The following GCN1 variants were observed in gnomAD, a reference collection of about 807,000 sequenced individuals.
GCN1 encodes GCN1 activator of EIF2AK4, also known as stalled ribosome sensor GCN1.
In GCN1, 90 loss-of-function variants were observed where a neutral mutation model predicts 288.4. The observed-to-expected ratio is 0.31, with a 90% CI of 0.26 to 0.37. The LOEUF (loss-of-function observed/expected upper bound fraction) is 0.37, where lower values mean the gene tolerates loss of function less well. Ranked by LOEUF, GCN1 falls within the 10% of genes least tolerant of loss-of-function variation. The pLI, the probability that GCN1 is intolerant of heterozygous loss-of-function variation, is 1.00. For missense variants in GCN1, 2,586 were observed against 3,419.9 expected, an observed-to-expected ratio of 0.76 and a Z score of 6.08; for synonymous variants, 1,386 against 1,420.2, an observed-to-expected ratio of 0.98 and a Z score of 0.54.
intron 15 of GCN1, 148 bp downstream of exon 15, chr12:120,170,021 A>G: frequency 1.4e-6 from 1 of 696,402 alleles, no homozygotes; most frequent in Non-Finnish European, 2.5e-6. Context: ...CCATGCAACC[A>G]TGAGGTTCAT....
chr12:120,173,895 C>CA (rs1198293794), intron 13 of GCN1, 69 bp from the exon 14 acceptor site: 59 of 1,382,508 alleles, frequency 4.3e-5, no homozygotes, highest in Non-Finnish European at 5.7e-5. Flanking sequence ...GCAAGCAGTG[C>CA]AAAAAACAAG....
At chr12:120,174,043 G>T (rs370402688) in intron 13 of GCN1, 28 bp downstream of exon 13, 1 of 1,325,618 alleles carries the variant, frequency 7.5e-7, no homozygotes, top group South Asian at 1.2e-5. Context: ...AGTACAGAAC[G>T]CATGCTCACC....
chr12:120,160,067 T>C, intron 23 of GCN1, 44 bp from the exon 24 acceptor site: 1 of 1,598,412 alleles, frequency 6.3e-7, no homozygotes, highest in Admixed American at 1.7e-5. Flanking sequence ...AGGGCCCTGC[T>C]TGTGACAGCA....
chr12:120,160,266 T>G lies in GCN1; in HGVS notation c.2437-11A>C. 1 of 1,579,820 alleles carries G rather than the reference T, an allele frequency of 6.3e-7. No homozygotes were observed. The highest frequency in any genetic ancestry group is 8.7e-7 in the Non-Finnish European group (1 of 1,151,108). ...CTTCTTCTTTATCTCCTAAAGAGGA[T>G]GGGCAAACCAACCAATCCCATCTCC... On this transcript the variant is annotated splice_polypyrimidine_tract_variant and intron_variant, in intron 22 of 57. Transcript: ENST00000300648.
chr12:120,170,067 T>C, intron 15 of GCN1, 102 bp downstream of exon 15: 3 of 988,910 alleles, frequency 3.0e-6, no homozygotes, highest in South Asian at 1.5e-5. Context: ...GCTGATCCAG[T>C]GTGGTCAGGA....
intron 5 of GCN1, among the ~76,000 whole-genome samples, chr12:120,179,869 A>C (rs1345382022): frequency 6.6e-6 from 1 of 152,236 alleles, no homozygotes; most frequent in Non-Finnish European, 1.5e-5. Flanking sequence ...CATTAATTCC[A>C]CAAATACTTA....
At chr12:120,179,254 C>T (rs1306639025) in intron 5 of GCN1, among the ~76,000 whole-genome samples, 6 of 151,346 alleles carry the variant, frequency 4.0e-5, no homozygotes, top group Non-Finnish European at 7.4e-5. Context: ...TTTTTTAAGA[C>T]GGAGTCTCGC....
At position 120,178,740 on chromosome 12, in the gene GCN1, T is replaced by C; in HGVS notation, c.545A>G (p.Gln182Arg). ...LWKENPGLVE[Q>R]YLSAILSLEP... Reference sequence around the variant, plus strand: ...TAGGCTGAGAATGGCTGACAAGTACTGTTCCACCAGCCCGGGGTTCTGAAG... The same window carrying C: ...TAGGCTGAGAATGGCTGACAAGTACCGTTCCACCAGCCCGGGGTTCTGAAG... Residue 182 changes from glutamine (Q) to arginine (R), a missense_variant, in exon 7 of 58, where the codon CAG becomes CGG. Gln to Arg is a conservative substitution (Grantham distance 43). Coordinates refer to ENST00000300648, the MANE Select transcript of GCN1 (RefSeq NM_006836.2). The C allele has an allele frequency of 1.9e-6, 3 of 1,614,232 alleles. No homozygotes were observed. The highest frequency in any genetic ancestry group is 2.5e-6 in the Non-Finnish European group (3 of 1,180,020).
chr12:120,148,690 TG>T (rs1877438205), intron 36 of GCN1, among the ~76,000 whole-genome samples: 1 of 152,252 alleles, frequency 6.6e-6, no homozygotes, highest in East Asian at 1.9e-4. Context: ...TTTAGATTTG[TG>T]TTGTTTCAAA....
At chr12:120,159,028 AT>A (rs1030755794) in intron 24 of GCN1, among the ~76,000 whole-genome samples, 1 of 151,760 alleles carries the variant, frequency 6.6e-6, no homozygotes, top group African/African-American at 2.4e-5. Flanking sequence ...AAAAAAAAAA[AT>A]CTTTCTGCTT....
In GCN1 at chr12:120,158,469, C is replaced by T. The variant is rs1356931799; in HGVS notation, c.2896G>A (p.Gly966Arg). 3 of 1,551,844 alleles carry T rather than the reference C, an allele frequency of 1.9e-6. No individual in the cohort carries two copies. The Admixed American group carries it at 5.9e-5, about 30-fold the overall frequency. The change falls in exon 25 of 58, where the codon GGG (glycine) becomes AGG (arginine). Residue 966 changes from glycine to arginine, a missense_variant. Physicochemically the swap from Gly to Arg is moderately radical, Grantham distance 125 (BLOSUM62 -2). Transcript: ENST00000300648. This position sits in a 1 kb window ranked among gnomAD's most constrained non-coding sequence, Gnocchi z 4.3. ...THTITSRVGK[G>R]EPGAAPLSAP... ...CCGTCCCAGCCCTTACCTGGCTCCC[C>T]CTTGCCCACCCTGCTGGTGATGGTG... is the stretch of plus-strand genomic sequence containing the variant.
In GCN1 at chr12:120,127,846, C is replaced by A. The variant is rs764382334; in HGVS notation, c.*3G>T. ...CGGCAATGCTGCTGCTGGCCCAGGC[C>A]TCTCATGTCAGGATGGTGTCGTCCA... On this transcript the variant is annotated 3_prime_UTR_variant, in exon 58 of 58. Transcript: ENST00000300648. 5.0e-6 allele frequency: 8 copies of A among 1,613,546 alleles called. No individual in the cohort carries two copies. The East Asian group carries it at 6.7e-5, about 13-fold the overall frequency.
intron 33 of GCN1, 62 bp from the exon 34 acceptor site, chr12:120,151,453 G>A: frequency 1.9e-6 from 3 of 1,573,428 alleles, no homozygotes; most frequent in South Asian, 1.1e-5. Context: ...GGTTGGTGGG[G>A]GGTCTGACCA....
chr12:120,163,322 C>A, intron 18 of GCN1, 63 bp from the exon 19 acceptor site: 2 of 1,344,266 alleles, frequency 1.5e-6, no homozygotes, highest in Non-Finnish European at 2.1e-6. Context: ...ACACAGGAAC[C>A]AAATATGCTA....
In GCN1 at chr12:120,164,474, C is replaced by T; in HGVS notation, c.1710G>A (p.Val570=). Residue 570 remains valine (V), a synonymous_variant, in exon 18 of 58, where the codon GTG becomes GTA. Coordinates refer to ENST00000300648, the MANE Select transcript of GCN1 (RefSeq NM_006836.2). ...GCCAGGTGCGGCTCAGGAGCACCGCCACCAGAGCCCGGTGGTACTGCCTGC... is the reference window on the plus strand; with the variant it reads ...GCCAGGTGCGGCTCAGGAGCACCGCTACCAGAGCCCGGTGGTACTGCCTGC... ...NKVQQYHRAL[V]AVLLSRTWHV... 6.2e-7 allele frequency: 1 copy of T among 1,614,086 alleles called. No homozygotes were observed. Among genetic ancestry groups the T allele is most frequent in the Non-Finnish European group, 8.5e-7 (1 of 1,180,002 alleles).
At chr12:120,149,443 T>C (rs1877467879) in intron 36 of GCN1, among the ~76,000 whole-genome samples, 163 bp downstream of exon 36, 1 of 152,170 alleles carries the variant, frequency 6.6e-6, no homozygotes. Context: ...CCAGCCTGGG[T>C]GATAGAGCAA....
chr12:120,132,640 A>C (rs1206799793), intron 53 of GCN1, among the ~76,000 whole-genome samples: 1 of 152,250 alleles, frequency 6.6e-6, no homozygotes, highest in African/African-American at 2.4e-5. Flanking sequence ...CTTCCTGTTC[A>C]AATCAGAGCC....
Position 120,154,977 on chromosome 12 carries a change from C to G in GCN1, c.3694G>C (p.Glu1232Gln). 1 of 1,612,898 alleles carries G rather than the reference C, an allele frequency of 6.2e-7. No homozygotes were observed. The highest frequency in any genetic ancestry group is 8.5e-7 in the Non-Finnish European group (1 of 1,178,838). The change falls in exon 31 of 58, where the codon GAA becomes CAA. Residue 1232 changes from glutamate (E) to glutamine (Q), a missense_variant. By Grantham distance (29) the Glu-to-Gln change is conservative. Coordinates refer to ENST00000300648, the MANE Select transcript of GCN1 (RefSeq NM_006836.2). ...GCTGAACAATTGTTATACCTGGCTT[C>G]CCACTGATCTGGAGGAGATTCTGAA... The part of the protein sequence containing the change: ...VISESPPDQW[E>Q]ARCGLALALN...
Position 120,175,755 on chromosome 12 carries a change from T to TA in GCN1, c.1032dup (p.Ile345TyrfsTer44). On this transcript the variant is annotated frameshift_variant, in exon 11 of 58. Transcript: ENST00000300648. LOFTEE classifies it high-confidence loss of function. ...AAGAAGGCTTGCTCACCTCCGAGGA[T>TA]AGCAAATAGGTGCTTGGTCAGGGAT... 1 of 1,612,010 alleles carries TA rather than the reference T, an allele frequency of 6.2e-7. No individual in the cohort carries two copies. Among genetic ancestry groups the TA allele is most frequent in the Non-Finnish European group, 8.5e-7 (1 of 1,179,222 alleles).
Sources: gnomAD v4.1 joint callset for allele counts (sites outside exome capture counted in the v4.1 genomes callset) on GRCh38, gnomAD v4.1.1 for gene constraint, Gnocchi (gnomAD v3.1) non-coding constraint, MANE v1.5 for transcripts, NCBI Gene and HGNC (gene_info 2026-07-23, HGNC 2026-07-21) for gene names.